The following FTCDNL1 variants were observed in gnomAD, a reference collection of about 807,000 sequenced individuals.
The protein encoded by FTCDNL1 is formiminotransferase cyclodeaminase N-terminal like, also known as formiminotransferase N-terminal subdomain-containing protein.
In FTCDNL1, 11 loss-of-function variants were observed where a neutral mutation model predicts 5.9. The observed-to-expected ratio is 1.87, with a 90% CI of 1.18 to 3.10. FTCDNL1 has a LOEUF of 3.10. Among genes scored for constraint, FTCDNL1 ranks in the 30% most tolerant of loss-of-function variants. The probability of loss-of-function intolerance (pLI) is 0.00; values close to 1 mark genes in which losing one functional copy is unlikely to be tolerated. For synonymous variants in FTCDNL1, 58 were observed against 24.8 expected (o/e 2.34, Z -3.99); for missense variants, 115 against 65.5 (o/e 1.76, Z -2.61).
rs549214041 is a variant in FTCDNL1, at chr2:199,763,824, T to C, written c.212-2989A>G. On this transcript the variant is annotated intron_variant, in intron 3 of 3. Transcript: ENST00000416668. ...TTCCTCATCTGTCAAATGACAATGT[T>C]GGAATATTTATTTTTTATTTTTATT... 2.6e-5 allele frequency among the ~76,000 whole-genome samples: 4 copies of C among 152,274 alleles called. No homozygotes were observed. The South Asian group carries it at 8.3e-4, about 32-fold the overall frequency.
chr2:199,831,180 C>T (rs1160484664), intron 3 of FTCDNL1, among the ~76,000 whole-genome samples: 1 of 152,058 alleles, frequency 6.6e-6, no homozygotes, highest in Non-Finnish European at 1.5e-5. Flanking sequence ...TTATTATTGG[C>T]ATGACAGTAA....
chr2:199,670,683 T>C, the FTCDNL1 span, among the ~76,000 whole-genome samples: 2 of 152,140 alleles, frequency 1.3e-5, no homozygotes, highest in Admixed American at 6.5e-5. Context: ...TGTGTGTGTA[T>C]ACATCTTCTC....
chr2:199,796,867 C>A (rs908234826), intron 3 of FTCDNL1, among the ~76,000 whole-genome samples: 3 of 151,996 alleles, frequency 2.0e-5, no homozygotes, highest in African/African-American at 7.3e-5. Context: ...TAACCCTTTA[C>A]AAAGTAAACT....
the FTCDNL1 span, among the ~76,000 whole-genome samples, chr2:199,680,720 G>A: frequency 6.6e-6 from 1 of 152,196 alleles, no homozygotes; most frequent in Non-Finnish European, 1.5e-5. Flanking sequence ...CATCCTCAGA[G>A]AGTAGATGGT....
chr2:199,812,491 T>C lies in FTCDNL1; in HGVS notation c.*214A>G. 2.2e-6 allele frequency: 1 copy of C among 447,728 alleles called. No individual in the cohort carries two copies. The allele number at this position is 447,728 out of a possible 1,614,324, so 27.7% of individuals were successfully genotyped here. ...AGGTATTTTAAATGAGAGAGATAAT[T>C]AATCCCAGCAAATCGTATTTCTAGT... is the stretch of plus-strand genomic sequence containing the variant. On this transcript the variant is annotated 3_prime_UTR_variant, in exon 5 of 5. Transcript: ENST00000420128.
intron 3 of FTCDNL1, among the ~76,000 whole-genome samples, chr2:199,779,298 G>A (rs566027977): frequency 2.5e-4 from 38 of 152,278 alleles, no homozygotes; most frequent in African/African-American, 8.9e-4. Flanking sequence ...ACTCTACCAA[G>A]GAAGCTAAAC....
chr2:199,787,983 T>C (rs1415389313), intron 3 of FTCDNL1, among the ~76,000 whole-genome samples: 3 of 152,222 alleles, frequency 2.0e-5, no homozygotes, highest in Non-Finnish European at 4.4e-5. Flanking sequence ...TGCAGATTTG[T>C]ATTCCATGCA....
chr2:199,769,574 G>A (rs1056046513), intron 3 of FTCDNL1, among the ~76,000 whole-genome samples: 1 of 152,192 alleles, frequency 6.6e-6, no homozygotes, highest in Non-Finnish European at 1.5e-5. Context: ...TGTGAGAACA[G>A]ACTAATACAA....
chr2:199,829,704 G>A (rs1211532847), intron 3 of FTCDNL1, among the ~76,000 whole-genome samples: 1 of 151,898 alleles, frequency 6.6e-6, no homozygotes, highest in Admixed American at 6.6e-5. Context: ...TTTCTTTCAG[G>A]AGCAATTTAG....
the FTCDNL1 span, among the ~76,000 whole-genome samples, chr2:199,731,598 A>G: frequency 6.6e-6 from 1 of 152,208 alleles, no homozygotes; most frequent in Non-Finnish European, 1.5e-5. Context: ...AAGAGCTAAT[A>G]AATTATCCAC....
At chr2:199,742,705 C>A in the FTCDNL1 span, among the ~76,000 whole-genome samples, 2 of 152,142 alleles carry the variant, frequency 1.3e-5, no homozygotes, top group African/African-American at 2.4e-5. Context: ...GAAATGAAGT[C>A]ATTTGCTCAA....
At chr2:199,825,662 T>C (rs1344745856) in intron 3 of FTCDNL1, among the ~76,000 whole-genome samples, 1 of 152,196 alleles carries the variant, frequency 6.6e-6, no homozygotes, top group Non-Finnish European at 1.5e-5. Flanking sequence ...TCACTCACCA[T>C]GCGACACACC....
rs541616547 is a variant in FTCDNL1 at position 199,851,044 on chromosome 2, C to G, written c.-312G>C. ...CTCTCGAACCAGCGGCCGCGCCTGC[C>G]GCTCTGCGGTTTGGGAGGGGAGCGG... On this transcript the variant is annotated 5_prime_UTR_variant, in exon 1 of 5. Transcript: ENST00000420128. 20 of 149,946 alleles carry G rather than the reference C, an allele frequency of 1.3e-4. No homozygotes were observed. The highest frequency in any genetic ancestry group is 8.0e-4 in the Admixed American group (12 of 14,990). The allele number at this position is 149,946 out of a possible 1,614,324, so 9.3% of individuals were successfully genotyped here.
downstream of FTCDNL1, among the ~76,000 whole-genome samples, chr2:199,759,128 T>C (rs1443943988): frequency 6.6e-6 from 1 of 151,386 alleles, no homozygotes; most frequent in African/African-American, 2.4e-5. Flanking sequence ...TATGTGTATA[T>C]ATATTTGTGT....
At position 199,810,031 on chromosome 2, in the gene FTCDNL1, C is replaced by T. The variant is rs938945043; in HGVS notation, c.*2674G>A. ...GTAACTTTATCTACTCTAAACTATC[C>T]GAAGGATTTTTTTTTTCCTAAAAGA... is the stretch of plus-strand genomic sequence containing the variant. On this transcript the variant is annotated 3_prime_UTR_variant, in exon 5 of 5. Coordinates refer to ENST00000420128, the MANE Select transcript of FTCDNL1 (RefSeq NM_001363886.2). Among the ~76,000 whole-genome samples, 3 of 151,816 alleles carry T rather than the reference C, an allele frequency of 2.0e-5. No homozygotes were observed. The highest frequency in any genetic ancestry group is 4.8e-5 in the African/African-American group (2 of 41,324).
chr2:199,667,858 A>G, the FTCDNL1 span, among the ~76,000 whole-genome samples: 16,971 of 152,212 alleles, frequency 0.11, 1,259 homozygotes, highest in Middle Eastern at 0.21. Flanking sequence ...GCTCTATAGA[A>G]GGGAGCTATG....
At position 199,848,863 on chromosome 2, in the gene FTCDNL1, G is replaced by A. The variant is rs1288721111; in HGVS notation, c.100C>T (p.Leu34Phe). 4.3e-6 allele frequency: 3 copies of A among 700,472 alleles called. No individual in the cohort carries two copies. Among genetic ancestry groups the A allele is most frequent in the South Asian group, 3.0e-5 (2 of 66,830 alleles). 43.4% of individuals were successfully genotyped at this position (700,472 alleles called of 1,614,324 possible). Residue 34 changes from leucine (L) to phenylalanine (F), a missense_variant, in exon 2 of 5, where the codon CTT becomes TTT. Leu to Phe is a conservative substitution (Grantham distance 22). Coordinates refer to ENST00000420128, the MANE Select transcript of FTCDNL1 (RefSeq NM_001363886.2). ...YIVENIAKAA[L>F]LDKNGKKHPQ... is the part of the protein sequence containing the mutation. ...TTTTTCCTACCATTTTTGTCAAGAA[G>A]AGCTGCTTTTGCTATGTTCTCAACA...
the FTCDNL1 span, among the ~76,000 whole-genome samples, chr2:199,755,351 G>T: frequency 1.3e-5 from 2 of 152,126 alleles, no homozygotes; most frequent in African/African-American, 2.4e-5. Context: ...AATTTGCTCA[G>T]CTAAAAGCAG....
At chr2:199,719,692 T>A in the FTCDNL1 span, among the ~76,000 whole-genome samples, 1 of 152,120 alleles carries the variant, frequency 6.6e-6, no homozygotes, top group African/African-American at 2.4e-5. Flanking sequence ...TGGAGTGCTG[T>A]GGCACGATCT....
Sources: gnomAD v4.1 joint callset for allele counts (sites outside exome capture counted in the v4.1 genomes callset) on GRCh38, gnomAD v4.1.1 for gene constraint, MANE v1.5 for transcripts, NCBI Gene and HGNC (gene_info 2026-07-23, HGNC 2026-07-21) for gene names.